Variants in CADPS observed in about 807,000 individuals in gnomAD.
CADPS encodes calcium-dependent secretion activator 1.
CADPS carries 57 observed loss-of-function variants against 167.3 expected under a neutral mutation model. That is an observed-to-expected ratio of 0.34 (90% CI 0.28 to 0.42). CADPS has a LOEUF of 0.42. Ranked by LOEUF, CADPS falls within the 20% of genes least tolerant of loss-of-function variation. The probability of loss-of-function intolerance (pLI) is 1.00; values close to 1 mark genes in which losing one functional copy is unlikely to be tolerated. For synonymous variants in CADPS, 676 were observed against 635.3 expected, an observed-to-expected ratio of 1.06 and a Z score of -0.96; for missense variants, 1,414 against 1,738.1, an observed-to-expected ratio of 0.81 and a Z score of 3.32.
chr3:62,632,800 T>C (rs1429517019), intron 6 of CADPS, among the ~76,000 whole-genome samples: 1 of 152,066 alleles, frequency 6.6e-6, no homozygotes, highest in East Asian at 1.9e-4. Context: ...GGTGTCAATG[T>C]CACCCTAATG....
At chr3:62,839,353 G>T (rs2076324337) in intron 1 of CADPS, among the ~76,000 whole-genome samples, 1 of 152,026 alleles carries the variant, frequency 6.6e-6, no homozygotes, top group African/African-American at 2.4e-5. Context: ...ACCACGCCTG[G>T]CTATTTTTTG....
intron 3 of CADPS, among the ~76,000 whole-genome samples, chr3:62,689,281 G>A (rs1359132984): frequency 2.6e-5 from 4 of 151,888 alleles, no homozygotes; most frequent in Admixed American, 6.6e-5. Context: ...TATGACCTTA[G>A]GTGGCTTATA....
intron 13 of CADPS, among the ~76,000 whole-genome samples, chr3:62,532,487 G>A (rs2073899095): frequency 6.6e-6 from 1 of 152,100 alleles, no homozygotes; most frequent in Non-Finnish European, 1.5e-5. Flanking sequence ...ACTATGTTGA[G>A]CCCTTTATAG....
chr3:62,875,203 C>G lies in CADPS; in HGVS notation c.-174G>C, dbSNP rs1178782231. On this transcript the variant is annotated 5_prime_UTR_variant, in exon 1 of 30. Coordinates refer to ENST00000383710, the MANE Select transcript of CADPS (RefSeq NM_003716.4). Reference sequence around the variant, plus strand: ...CGCGACTGATCCTCTGCCCGGCGGTCGCGAGCTGGGCTCAGACCCAGAAGC... The same window carrying G: ...CGCGACTGATCCTCTGCCCGGCGGTGGCGAGCTGGGCTCAGACCCAGAAGC... 1.3e-5 allele frequency: 11 copies of G among 874,750 alleles called. No homozygotes were observed. The highest frequency in any genetic ancestry group is 1.4e-5 in the Non-Finnish European group (9 of 660,272). The allele number at this position is 874,750 out of a possible 1,614,324, so 54.2% of individuals were successfully genotyped here.
chr3:62,854,392 G>A (rs77170631), intron 1 of CADPS, among the ~76,000 whole-genome samples: 4,905 of 152,160 alleles, frequency 0.032, 99 homozygotes, highest in Middle Eastern at 0.11. Context: ...TTGCTCTATC[G>A]TTTCAAATAT....
intron 6 of CADPS, among the ~76,000 whole-genome samples, chr3:62,606,995 G>C (rs1038315141): frequency 6.6e-6 from 1 of 152,236 alleles, no homozygotes; most frequent in African/African-American, 2.4e-5. Context: ...AATGACTATG[G>C]CTTTAAGCCA....
intron 3 of CADPS, among the ~76,000 whole-genome samples, chr3:62,664,332 C>G (rs2048497): frequency 0.49 from 74,823 of 152,046 alleles, 19,645 homozygotes; most frequent in African/African-American, 0.64. Flanking sequence ...TAAACTGAAG[C>G]TAGAATTTTT....
At chr3:62,721,337 G>C (rs1466575825) in intron 3 of CADPS, among the ~76,000 whole-genome samples, 1 of 151,876 alleles carries the variant, frequency 6.6e-6, no homozygotes, top group African/African-American at 2.4e-5. Flanking sequence ...TCACCAGGGG[G>C]GCATTTTAGC....
intron 3 of CADPS, among the ~76,000 whole-genome samples, chr3:62,728,630 C>A (rs1195890628): frequency 6.6e-6 from 1 of 151,822 alleles, no homozygotes; most frequent in Admixed American, 6.6e-5. Flanking sequence ...TAAATGTTCT[C>A]TTAATGATAA....
chr3:62,704,179 C>T (rs2081940081), intron 3 of CADPS, among the ~76,000 whole-genome samples: 2 of 152,122 alleles, frequency 1.3e-5, no homozygotes, highest in Admixed American at 1.3e-4. Context: ...AAGAAAATTT[C>T]AGATAATTAC....
intron 15 of CADPS, 132 bp from the exon 16 acceptor site, chr3:62,516,314 G>C (rs1330507983): frequency 8.3e-7 from 1 of 1,205,778 alleles, no homozygotes; most frequent in African/African-American, 1.5e-5. Flanking sequence ...TGCTTAAAGA[G>C]AAAGCACCAG....
In CADPS at chr3:62,570,223, T is replaced by C. The variant is rs372903031; in HGVS notation, c.1644+649A>G. Among the ~76,000 whole-genome samples the C allele has an allele frequency of 5.2e-4, 68 of 131,994 alleles. No individual in the cohort carries two copies. In the East Asian group the frequency reaches 8.4e-3, roughly 16 times the overall value. 86.6% of individuals were successfully genotyped at this position (131,994 alleles called of 152,430 possible). A position where few individuals can be genotyped will look rare whatever the true frequency, so the allele number is the denominator to read the frequency against. ...CAACTTGCAGAACAACTTGAAGAAT[T>C]TGGTTTGTTTCAGTTAAAAAAAAAA... On this transcript the variant is annotated intron_variant, in intron 9 of 29. Coordinates refer to ENST00000383710, the MANE Select transcript of CADPS (RefSeq NM_003716.4).
chr3:62,535,641 G>A (rs2074542026), intron 12 of CADPS, among the ~76,000 whole-genome samples: 1 of 151,900 alleles, frequency 6.6e-6, no homozygotes, highest in Non-Finnish European at 1.5e-5. Context: ...CATCTATAAA[G>A]TGGGATTAAT....
In CADPS at chr3:62,765,831, C is replaced by A. The variant is rs2152503385; in HGVS notation, c.555+40G>T. On this transcript the variant is annotated intron_variant, in intron 2 of 29. Transcript: ENST00000383710. ...CAGCTCAGACTCCCCAGGCATAGGGCTTGAGTGGTCTTGGCATTCTTCTGA... is the reference window on the plus strand; with the variant it reads ...CAGCTCAGACTCCCCAGGCATAGGGATTGAGTGGTCTTGGCATTCTTCTGA... 5 of 1,370,286 alleles carry A rather than the reference C, an allele frequency of 3.6e-6. No individual in the cohort carries two copies. The East Asian group carries it at 1.2e-4, about 32-fold the overall frequency. 84.9% of individuals were successfully genotyped at this position (1,370,286 alleles called of 1,614,324 possible).
intron 13 of CADPS, among the ~76,000 whole-genome samples, chr3:62,528,028 T>C (rs1195753891): frequency 6.6e-6 from 1 of 152,212 alleles, no homozygotes. Context: ...AGATAAATTC[T>C]GGTTTTCCCC....
intron 1 of CADPS, among the ~76,000 whole-genome samples, chr3:62,772,315 T>C (rs304188): frequency 0.99 from 150,112 of 152,280 alleles, 73,993 homozygotes; most frequent in East Asian, 1. Flanking sequence ...AATTACTCCC[T>C]TCCCAGTTTC....
intron 1 of CADPS, among the ~76,000 whole-genome samples, chr3:62,769,711 C>T (rs1486435521): frequency 1.3e-5 from 2 of 152,034 alleles, no homozygotes; most frequent in African/African-American, 4.8e-5. Context: ...TTTTATGTGG[C>T]GAAGTAGTTA....
rs2067245323 is a variant in CADPS, at chr3:62,640,721, G to A, written c.1325+5001C>T. Among the ~76,000 whole-genome samples, 3 of 152,220 alleles carry A rather than the reference G, an allele frequency of 2.0e-5. No homozygotes were observed. The South Asian group carries it at 6.2e-4, about 32-fold the overall frequency. ...AATCAAATGCCAAGTGGCATCTTTG[G>A]TTTCAATTCAGTAGAATATAATTTC... On this transcript the variant is annotated intron_variant, in intron 6 of 29. Transcript: ENST00000383710.
At chr3:62,435,932 C>T (rs2054925285) in intron 28 of CADPS, among the ~76,000 whole-genome samples, 1 of 151,498 alleles carries the variant, frequency 6.6e-6, no homozygotes, top group South Asian at 2.1e-4. Context: ...AAAATATTCT[C>T]AGTAATATTT....
Sources: gnomAD v4.1 joint callset for allele counts (sites outside exome capture counted in the v4.1 genomes callset) on GRCh38, gnomAD v4.1.1 for gene constraint, MANE v1.5 for transcripts, NCBI Gene and HGNC (gene_info 2026-07-23, HGNC 2026-07-21) for gene names.